Variants in NDST3 observed in about 807,000 individuals in gnomAD.
NDST3 encodes bifunctional heparan sulfate N-deacetylase/N-sulfotransferase 3.
NDST3 carries 58 observed loss-of-function variants against 96.1 expected under a neutral mutation model. The ratio of observed to expected loss-of-function variants is 0.60; its 90% CI spans 0.49 to 0.75. The LOEUF (loss-of-function observed/expected upper bound fraction) is 0.75, where lower values mean the gene tolerates loss of function less well. NDST3 is among the 30% of genes least tolerant of loss of function. The probability of loss-of-function intolerance (pLI) is 0.00; values close to 1 mark genes in which losing one functional copy is unlikely to be tolerated. For synonymous variants in NDST3, 333 were observed against 359.7 expected, an observed-to-expected ratio of 0.93 and a Z score of 0.84; for missense variants, 788 against 1,034.2, an observed-to-expected ratio of 0.76 and a Z score of 3.27.
intron 6 of NDST3, among the ~76,000 whole-genome samples, chr4:118,177,215 ATATAGAG>A: frequency 6.6e-6 from 1 of 152,086 alleles, no homozygotes; most frequent in South Asian, 2.1e-4. Context: ...GTACTGGGAA[ATATAGAG>A]ACAGTAAGGG....
chr4:118,138,934 T>C (rs1733344118), intron 5 of NDST3, among the ~76,000 whole-genome samples: 1 of 152,136 alleles, frequency 6.6e-6, no homozygotes, highest in African/African-American at 2.4e-5. Context: ...GCCTCCTAAT[T>C]TAGAATCACA....
rs563769697 is a variant in NDST3 at position 118,144,524 on chromosome 4, T to A, written c.1539+840T>A. Reference sequence around the variant, plus strand: ...TCATACTTGTGTGTCAGCTCCACAATGAACCATTTGCATATATTTCTGCTT... The same window carrying A: ...TCATACTTGTGTGTCAGCTCCACAAAGAACCATTTGCATATATTTCTGCTT... On this transcript the variant is annotated intron_variant, in intron 6 of 13. Transcript: ENST00000296499. Among the ~76,000 whole-genome samples the A allele has an allele frequency of 3.9e-5, 6 of 152,110 alleles. No individual in the cohort carries two copies. In the East Asian group the frequency reaches 1.2e-3, roughly 29 times the overall value.
At chr4:118,093,142 C>T (rs1255619595) in intron 2 of NDST3, among the ~76,000 whole-genome samples, 1 of 151,816 alleles carries the variant, frequency 6.6e-6, no homozygotes, top group Admixed American at 6.6e-5. Context: ...AATTGCTTGA[C>T]TCATCTATAA....
intron 6 of NDST3, among the ~76,000 whole-genome samples, chr4:118,213,335 G>A (rs1046191570): frequency 6.6e-6 from 1 of 152,132 alleles, no homozygotes; most frequent in African/African-American, 2.4e-5. Context: ...CCCAAGACAG[G>A]TGGCACAATA....
chr4:118,237,239 A>G lies in NDST3; in HGVS notation c.2118+19A>G. 1 of 1,588,226 alleles carries G rather than the reference A, an allele frequency of 6.3e-7. No homozygotes were observed. The highest frequency in any genetic ancestry group is 8.6e-7 in the Non-Finnish European group (1 of 1,165,912). The stretch of plus-strand genomic sequence containing the variant: ...GTACCAGGTAAGGAAAATGCAAATA[A>G]AATCCAACAGGGAGAAGTGGAGTAT... On this transcript the variant is annotated intron_variant, in intron 10 of 13. Transcript: ENST00000296499.
At chr4:118,096,093 A>C (rs771719249) in intron 2 of NDST3, among the ~76,000 whole-genome samples, 2 of 151,932 alleles carry the variant, frequency 1.3e-5, no homozygotes, top group Non-Finnish European at 2.9e-5. Flanking sequence ...ACCTAGAAGA[A>C]GAATTGCTAG....
chr4:118,071,527 C>T (rs1002480471), intron 2 of NDST3, among the ~76,000 whole-genome samples: 15 of 152,120 alleles, frequency 9.9e-5, no homozygotes, highest in African/African-American at 3.6e-4. Flanking sequence ...GCTTTCTCTT[C>T]CTGCATTAGT....
Position 118,138,134 on chromosome 4 carries a change from T to C in NDST3, c.1305T>C (p.Tyr435=), listed in dbSNP as rs10028980. 45,161 of 1,613,946 alleles carry C rather than the reference T, an allele frequency of 0.028. 964 individuals carry two copies. Among genetic ancestry groups the C allele is most frequent in the African/African-American group, 0.11 (8,204 of 74,954 alleles). Residue 435 remains tyrosine, a synonymous_variant, in exon 5 of 14, where the codon TAT becomes TAC. Coordinates refer to ENST00000296499, the MANE Select transcript of NDST3 (RefSeq NM_004784.3). ...SGVYPVHVQL[Y]EAWKKVWNIK... ...TCTACCCTGTACATGTTCAGCTTTATGAGGCCTGGAAGAAGGTCTGGAATA... is the reference window on the plus strand; with the variant it reads ...TCTACCCTGTACATGTTCAGCTTTACGAGGCCTGGAAGAAGGTCTGGAATA...
chr4:118,221,050 C>A (rs189451858), intron 6 of NDST3, among the ~76,000 whole-genome samples: 1 of 152,076 alleles, frequency 6.6e-6, no homozygotes, highest in East Asian at 1.9e-4. Flanking sequence ...ATGCAGGTAC[C>A]AGGGCCTCCT....
chr4:118,246,989 T>G (rs1318214249), intron 12 of NDST3, among the ~76,000 whole-genome samples: 1 of 152,162 alleles, frequency 6.6e-6, no homozygotes, highest in African/African-American at 2.4e-5. Context: ...TATGGCCACT[T>G]TGGAAAGCAG....
intron 2 of NDST3, among the ~76,000 whole-genome samples, chr4:118,096,371 T>A (rs919328714): frequency 2.0e-5 from 3 of 151,854 alleles, no homozygotes; most frequent in African/African-American, 7.2e-5. Flanking sequence ...TACCTTATCT[T>A]CCCTAGATTG....
intron 1 of NDST3, among the ~76,000 whole-genome samples, chr4:118,044,384 G>A (rs1724634486): frequency 2.0e-5 from 3 of 152,180 alleles, no homozygotes; most frequent in Admixed American, 6.5e-5. Flanking sequence ...AATATCATCT[G>A]TATCTATACC....
At chr4:118,154,133 T>C (rs182965474) in intron 6 of NDST3, among the ~76,000 whole-genome samples, 1 of 152,252 alleles carries the variant, frequency 6.6e-6, no homozygotes, top group Admixed American at 6.5e-5. Context: ...ATAATAATAA[T>C]CACTTAATAG....
chr4:118,233,924 T>C (rs1740474325), intron 9 of NDST3, among the ~76,000 whole-genome samples: 1 of 152,234 alleles, frequency 6.6e-6, no homozygotes, highest in African/African-American at 2.4e-5. Context: ...CTCAATTTTA[T>C]AATTATCAGC....
At chr4:118,214,268 T>G (rs959510556) in intron 6 of NDST3, among the ~76,000 whole-genome samples, 3 of 152,180 alleles carry the variant, frequency 2.0e-5, no homozygotes, top group African/African-American at 7.2e-5. Context: ...TGATGGACTC[T>G]TGAAGCATTA....
chr4:118,148,026 C>T (rs1275257220), intron 6 of NDST3, among the ~76,000 whole-genome samples: 1 of 152,174 alleles, frequency 6.6e-6, no homozygotes, highest in Non-Finnish European at 1.5e-5. Flanking sequence ...GGGCCAGGCG[C>T]AGTGGCTCAC....
At chr4:118,070,904 T>G (rs1237426764) in intron 2 of NDST3, among the ~76,000 whole-genome samples, 1 of 152,046 alleles carries the variant, frequency 6.6e-6, no homozygotes, top group Non-Finnish European at 1.5e-5. Flanking sequence ...GGTGTTTGGT[T>G]TTTTGTCCTT....
chr4:118,230,242 G>A (rs1266430817), intron 8 of NDST3, among the ~76,000 whole-genome samples: 1 of 152,084 alleles, frequency 6.6e-6, no homozygotes, highest in Non-Finnish European at 1.5e-5. Flanking sequence ...CTCAAGGGTG[G>A]TTGCCAGAGC....
intron 1 of NDST3, among the ~76,000 whole-genome samples, chr4:118,052,394 A>G (rs1411901648): frequency 1.3e-5 from 2 of 152,012 alleles, no homozygotes; most frequent in African/African-American, 2.4e-5. Flanking sequence ...GGGAGGAAGA[A>G]GGAAGGAGGA....
Sources: gnomAD v4.1 joint callset for allele counts (sites outside exome capture counted in the v4.1 genomes callset) on GRCh38, gnomAD v4.1.1 for gene constraint, MANE v1.5 for transcripts, NCBI Gene and HGNC (gene_info 2026-07-23, HGNC 2026-07-21) for gene names.